TPT1: variants seen among roughly 807,000 people sequenced by gnomAD.
The protein encoded by TPT1 is translationally-controlled tumor protein.
Under a neutral mutation model 22.8 loss-of-function variants are expected in TPT1, and 5 were observed. The ratio of observed to expected loss-of-function variants is 0.22; its 90% CI spans 0.11 to 0.46. The LOEUF is 0.46. Ranked by LOEUF, TPT1 falls within the 20% of genes least tolerant of loss-of-function variation. The pLI, the probability that TPT1 is intolerant of heterozygous loss-of-function variation, is 0.99. For missense variants in TPT1, 130 were observed against 218.7 expected, an observed-to-expected ratio of 0.59 and a Z score of 2.56; for synonymous variants, 89 against 73.6, an observed-to-expected ratio of 1.21 and a Z score of -1.07.
chr13:45,337,701 C>G, intron 5 of TPT1: 1 of 765,570 alleles, frequency 1.3e-6, no homozygotes, highest in Non-Finnish European at 2.2e-6. Context: ...ACCTCAGATA[C>G]TGTCTGAATA....
rs758211854 is a variant in TPT1 at position 45,336,137 on chromosome 13, T to C, written c.*1249A>G. The C allele has an allele frequency of 6.6e-6, 1 of 152,088 alleles. No individual in the cohort carries two copies. Among genetic ancestry groups the C allele is most frequent in the Non-Finnish European group, 1.5e-5 (1 of 68,034 alleles). 9.4% of individuals were successfully genotyped at this position (152,088 alleles called of 1,614,324 possible). On this transcript the variant is annotated 3_prime_UTR_variant, in exon 6 of 6. Transcript: ENST00000530705. ...CCCTGGGCAACTAAGCGATACTCGG[T>C]CTCTACAAAAATTAGCTGGGCATAG...
At chr13:45,339,718 T>G in intron 3 of TPT1, 116 bp from the exon 4 acceptor site, 1 of 944,898 alleles carries the variant, frequency 1.1e-6, no homozygotes, top group Non-Finnish European at 1.6e-6. Context: ...AACCAGCTGT[T>G]AAGAAATTAC....
rs2138317443 is a variant in TPT1, at chr13:45,333,883, C to T, written c.*3503G>A. 6.6e-6 allele frequency: 1 copy of T among 152,278 alleles called. No homozygotes were observed. Among genetic ancestry groups the T allele is most frequent in the East Asian group, 1.9e-4 (1 of 5,186 alleles). 9.4% of individuals were successfully genotyped at this position (152,278 alleles called of 1,614,324 possible). A position where few individuals can be genotyped will look rare whatever the true frequency, so the allele number is the denominator to read the frequency against. On this transcript the variant is annotated 3_prime_UTR_variant, in exon 6 of 6. Coordinates refer to ENST00000530705, the MANE Select transcript of TPT1 (RefSeq NM_003295.4). The stretch of plus-strand genomic sequence containing the variant: ...TTCCTCCTTCCTAAAACTTTTTCCA[C>T]CTGACCTCTGGGAGGCCCTCCCTTG...
At chr13:45,339,938 A>G in intron 3 of TPT1, 56 bp downstream of exon 3, 1 of 1,577,938 alleles carries the variant, frequency 6.3e-7, no homozygotes, top group Non-Finnish European at 8.6e-7. Flanking sequence ...AAGTTAGCCA[A>G]TCTTTAAATC....
At chr13:45,340,931 C>G in intron 1 of TPT1, 111 bp downstream of exon 1, 1 of 1,531,956 alleles carries the variant, frequency 6.5e-7, no homozygotes, top group Non-Finnish European at 8.8e-7. Flanking sequence ...CCTCCGCGCT[C>G]GGCTAAGACC....
intron 3 of TPT1, 82 bp from the exon 4 acceptor site, chr13:45,339,684 A>G: frequency 1.5e-6 from 2 of 1,351,880 alleles, no homozygotes; most frequent in South Asian, 2.6e-5. Flanking sequence ...TCCAAGCTTA[A>G]AAAAAGAAAA....
intron 4 of TPT1, chr13:45,339,246 A>G (rs1180154836): frequency 4.8e-6 from 2 of 419,950 alleles, no homozygotes; most frequent in Non-Finnish European, 8.4e-6. Context: ...GCAATGAGAC[A>G]CATTAAAATT....
intron 2 of TPT1, chr13:45,340,420 T>C: frequency 1.3e-6 from 1 of 751,946 alleles, no homozygotes; most frequent in Non-Finnish European, 2.3e-6. Flanking sequence ...GTTGCGGGCA[T>C]GTGATGCCTC....
rs562341815 is a variant in TPT1, at chr13:45,340,824, GCGC to G, written c.29-42_29-40del. On this transcript the variant is annotated intron_variant, in intron 1 of 5. Coordinates refer to ENST00000530705, the MANE Select transcript of TPT1 (RefSeq NM_003295.4). ...AGAGCCGCCCATCACCGTGCGCCTG[GCGC>G]CGCCATTTCCCGCATTTCCCGCGCC... 528 of 1,497,788 alleles carry G rather than the reference GCGC, an allele frequency of 3.5e-4. 4 individuals carry two copies. The South Asian group carries it at 5.9e-3, about 17-fold the overall frequency. The allele number at this position is 1,497,788 out of a possible 1,614,324, so 92.8% of individuals were successfully genotyped here.
At chr13:45,338,506 A>C in intron 5 of TPT1, 154 bp downstream of exon 5, 1 of 1,394,100 alleles carries the variant, frequency 7.2e-7, no homozygotes, top group South Asian at 1.6e-5. Context: ...AATTTTTTAC[A>C]TATGAAACAC....
rs910442320 is a variant in TPT1 at position 45,336,075 on chromosome 13, G to A, written c.*1311C>T. 3.3e-5 allele frequency: 5 copies of A among 152,346 alleles called. No individual in the cohort carries two copies. In the East Asian group the frequency reaches 5.8e-4, roughly 18 times the overall value. The allele number at this position is 152,346 out of a possible 1,614,324, so 9.4% of individuals were successfully genotyped here. The stretch of plus-strand genomic sequence containing the variant: ...CTAGGCCTGCACTTTGGGAGGCTGA[G>A]GTGGGCAGATCTCCTTGAGCCCAGG... On this transcript the variant is annotated 3_prime_UTR_variant, in exon 6 of 6. Transcript: ENST00000530705.
At chr13:45,341,010 G>A in intron 1 of TPT1, 32 bp downstream of exon 1, 2 of 1,607,434 alleles carry the variant, frequency 1.2e-6, no homozygotes, top group Non-Finnish European at 1.7e-6. Flanking sequence ...ACCCCCGTGT[G>A]CGGCAGTAAG....
At position 45,341,140 on chromosome 13, in the gene TPT1, C is replaced by G. The variant is rs1420834743; in HGVS notation, c.-71G>C. ...CCTGAAACTCGGAGCGAGCGCGGTG[C>G]AGCCGGAGCGGCGCTCGGGGGGAGG... On this transcript the variant is annotated 5_prime_UTR_variant, in exon 1 of 6. Transcript: ENST00000530705. 4 of 1,592,674 alleles carry G rather than the reference C, an allele frequency of 2.5e-6. No individual in the cohort carries two copies. The highest frequency in any genetic ancestry group is 3.4e-6 in the Non-Finnish European group (4 of 1,170,098).
At chr13:45,338,451 C>G in intron 5 of TPT1, 1 of 1,025,352 alleles carries the variant, frequency 9.8e-7, no homozygotes, top group Non-Finnish European at 1.4e-6. Flanking sequence ...CATCTGCACT[C>G]AACGTTTTCC....
At chr13:45,337,672 C>T in intron 5 of TPT1, 1 of 985,484 alleles carries the variant, frequency 1.0e-6, no homozygotes, top group Non-Finnish European at 1.6e-6. Flanking sequence ...ACCACCCACA[C>T]CCTGCTCTAC....
chr13:45,335,068 A>G lies in TPT1; in HGVS notation c.*2318T>C, dbSNP rs1291557864. ...AACCCTAGGGCCCACAGGCTACTAA[A>G]GCATGCCTTTGTTAAACTTAGCATC... On this transcript the variant is annotated 3_prime_UTR_variant, in exon 6 of 6. Coordinates refer to ENST00000530705, the MANE Select transcript of TPT1 (RefSeq NM_003295.4). The G allele has an allele frequency of 6.6e-6, 1 of 152,228 alleles. No homozygotes were observed. Among genetic ancestry groups the G allele is most frequent in the Non-Finnish European group, 1.5e-5 (1 of 68,046 alleles). 9.4% of individuals were successfully genotyped at this position (152,228 alleles called of 1,614,324 possible).
Position 45,341,025 on chromosome 13 carries a change from G to A in TPT1, c.28+17C>T, listed in dbSNP as rs1414725642. On this transcript the variant is annotated intron_variant, in intron 1 of 5. Transcript: ENST00000530705. ...ACCCCCGTGTGCGGCAGTAAGGATA[G>A]TGCAGTGAGGACTCACGGCTGATGA... The A allele has an allele frequency of 6.2e-7, 1 of 1,611,866 alleles. No homozygotes were observed. Among genetic ancestry groups the A allele is most frequent in the Non-Finnish European group, 8.5e-7 (1 of 1,178,904 alleles).
At chr13:45,338,372 G>A (rs1254144829) in intron 5 of TPT1, 3 of 419,458 alleles carry the variant, frequency 7.2e-6, no homozygotes, top group East Asian at 4.1e-5. Context: ...CACCCACCTC[G>A]GCGTCCCAAG....
At chr13:45,339,781 T>G in intron 3 of TPT1, 179 bp from the exon 4 acceptor site, 1 of 759,066 alleles carries the variant, frequency 1.3e-6, no homozygotes, top group Non-Finnish European at 2.1e-6. Context: ...TTGACTATTT[T>G]CAAAATACTA....
Sources: allele counts gnomAD v4.1 joint callset, GRCh38; gene constraint gnomAD v4.1.1; transcripts MANE v1.5; gene names NCBI Gene and HGNC (gene_info 2026-07-23, HGNC 2026-07-21).